The following CELF2 variants were observed in gnomAD, a reference collection of about 807,000 sequenced individuals.
The protein encoded by CELF2 is CUG triplet repeat RNA-binding protein 2.
Under a neutral mutation model 62.6 loss-of-function variants are expected in CELF2, and 8 were observed. The observed-to-expected ratio is 0.13, with a 90% confidence interval of 0.07 to 0.23. The LOEUF (loss-of-function observed/expected upper bound fraction) is 0.23. CELF2 is among the 10% of genes least tolerant of loss of function. The pLI is 1.00. For synonymous variants in CELF2, 258 were observed against 250.0 expected (o/e 1.03, Z -0.30); for missense variants, 333 against 671.0 (o/e 0.50, Z 5.56).
At chr10:10,851,799 C>T (rs2059399309) in intron 1 of CELF2, among the ~76,000 whole-genome samples, 1 of 152,100 alleles carries the variant, frequency 6.6e-6, no homozygotes, top group South Asian at 2.1e-4. Flanking sequence ...AAAAATCGAG[C>T]AGGCATATTA....
rs1455679869 is a variant in CELF2, at chr10:11,314,397, T to A, written c.1096+139T>A. ...AAACTTGGGATGGAGGAGCACATGC[T>A]TTGATAGGCAAAAGCTGTCTACACT... is the stretch of plus-strand genomic sequence containing the variant. On this transcript the variant is annotated intron_variant, in intron 10 of 12. Coordinates refer to ENST00000633077, the MANE Select transcript of CELF2 (RefSeq NM_001326342.2). The surrounding 1 kb of genome is among the most constrained non-coding windows in gnomAD (Gnocchi z 5.3). The A allele has an allele frequency of 1.0e-5, 11 of 1,103,184 alleles. No homozygotes were observed. Among genetic ancestry groups the A allele is most frequent in the Non-Finnish European group, 1.4e-5 (10 of 735,792 alleles). The allele number at this position is 1,103,184 out of a possible 1,614,324, so 68.3% of individuals were successfully genotyped here.
In CELF2 at chr10:11,081,115, T is replaced by C. The variant is rs145612743; in HGVS notation, c.74+62952T>C. On this transcript the variant is annotated intron_variant, in intron 1 of 12. Coordinates refer to ENST00000633077, the MANE Select transcript of CELF2 (RefSeq NM_001326342.2). Reference sequence around the variant, plus strand: ...GGGATAGGGGGCAATTCCAGTCTTATAATAAATTCATTAGTGAAGTGAAGA... The same window carrying C: ...GGGATAGGGGGCAATTCCAGTCTTACAATAAATTCATTAGTGAAGTGAAGA... 2.1e-3 allele frequency among the ~76,000 whole-genome samples: 327 copies of C among 152,372 alleles called. 4 individuals are homozygous for C. The highest frequency in any genetic ancestry group is 7.4e-3 in the African/African-American group (308 of 41,588).
At chr10:11,303,951 G>A (rs1436657320) in intron 9 of CELF2, among the ~76,000 whole-genome samples, 3 of 152,236 alleles carry the variant, frequency 2.0e-5, no homozygotes, top group African/African-American at 7.2e-5. Flanking sequence ...TTTTGGCAAT[G>A]AGCAGCACGT....
chr10:10,830,294 A>G (rs2057742814), intron 1 of CELF2, among the ~76,000 whole-genome samples: 1 of 151,646 alleles, frequency 6.6e-6, no homozygotes, highest in Non-Finnish European at 1.5e-5. Context: ...AAAAAAAAAA[A>G]AAAGCCGACA....
At chr10:10,910,937 C>T (rs1393542288) in intron 1 of CELF2, among the ~76,000 whole-genome samples, 1 of 152,146 alleles carries the variant, frequency 6.6e-6, no homozygotes, top group Non-Finnish European at 1.5e-5. Flanking sequence ...GGAATTGTTA[C>T]TAACAGCCGA....
intron 1 of CELF2, among the ~76,000 whole-genome samples, chr10:11,050,719 G>A (rs914941040): frequency 2.0e-5 from 3 of 152,156 alleles, no homozygotes; most frequent in Non-Finnish European, 4.4e-5. Flanking sequence ...TCTTCTCTCT[G>A]TCACCAATCC....
At chr10:10,860,037 A>G (rs2059964886) in intron 1 of CELF2, among the ~76,000 whole-genome samples, 1 of 152,146 alleles carries the variant, frequency 6.6e-6, no homozygotes, top group Admixed American at 6.5e-5. Flanking sequence ...TAAATCCATT[A>G]CATGTTAAGG....
chr10:10,490,779 T>G, the CELF2 span, among the ~76,000 whole-genome samples: 12 of 152,262 alleles, frequency 7.9e-5, no homozygotes, highest in South Asian at 2.5e-3. Flanking sequence ...TAAACAGCCT[T>G]CTTCCCACAT....
Position 11,296,976 on chromosome 10 carries a change from G to A in CELF2, c.976+8424G>A, listed in dbSNP as rs574402107. ...ATGCCCACCGGGGACCCTGAGAGCC[G>A]GGGCTCAGGAGCTGGGACTTTTCCT... is the stretch of plus-strand genomic sequence containing the variant. On this transcript the variant is annotated intron_variant, in intron 9 of 12. Coordinates refer to ENST00000633077, the MANE Select transcript of CELF2 (RefSeq NM_001326342.2). This position sits in a 1 kb window ranked among gnomAD's most constrained non-coding sequence, Gnocchi z 5.0. Among the ~76,000 whole-genome samples, 11 of 152,310 alleles carry A rather than the reference G, an allele frequency of 7.2e-5. No homozygotes were observed. The East Asian group carries it at 9.6e-4, about 13-fold the overall frequency.
chr10:10,574,366 G>A, the CELF2 span, among the ~76,000 whole-genome samples: 1 of 152,128 alleles, frequency 6.6e-6, no homozygotes, highest in East Asian at 1.9e-4. Flanking sequence ...TGCTAGTGGG[G>A]GCCATGCCGT....
intron 2 of CELF2, among the ~76,000 whole-genome samples, chr10:11,187,915 G>A (rs1047006935): frequency 2.6e-5 from 4 of 152,190 alleles, no homozygotes; most frequent in East Asian, 3.9e-4. Context: ...GTTTATGCTC[G>A]TAGTTAATAC....
At chr10:10,897,243 G>T (rs2062621966) in intron 1 of CELF2, among the ~76,000 whole-genome samples, 1 of 152,118 alleles carries the variant, frequency 6.6e-6, no homozygotes, top group African/African-American at 2.4e-5. Context: ...AGGTGCTTCT[G>T]GTGAGGTCTC....
the CELF2 span, among the ~76,000 whole-genome samples, chr10:10,480,199 A>G: frequency 6.6e-6 from 1 of 152,222 alleles, no homozygotes; most frequent in East Asian, 1.9e-4. Context: ...AATATAAAAC[A>G]GTAAAGAGCG....
chr10:10,636,808 G>C, the CELF2 span, among the ~76,000 whole-genome samples: 1 of 152,136 alleles, frequency 6.6e-6, no homozygotes, highest in Admixed American at 6.5e-5. Context: ...GATTATGAAG[G>C]GGAGGGGTTC....
At position 11,178,057 on chromosome 10, in the gene CELF2, T is replaced by A. The variant is rs2071873088; in HGVS notation, c.271+12375T>A. On this transcript the variant is annotated intron_variant, in intron 2 of 12. Transcript: ENST00000633077. This position sits in a 1 kb window ranked among gnomAD's most constrained non-coding sequence, Gnocchi z 4.3. ...TTCAGGTGTTTGCAAAGAGGTCAGA[T>A]CCCTACACATGAAACGCTGCGGCCA... Among the ~76,000 whole-genome samples the A allele has an allele frequency of 6.6e-6, 1 of 152,132 alleles. No homozygotes were observed. Among genetic ancestry groups the A allele is most frequent in the Non-Finnish European group, 1.5e-5 (1 of 68,012 alleles).
intron 2 of CELF2, among the ~76,000 whole-genome samples, chr10:10,996,037 A>T (rs1324408063): frequency 1.3e-5 from 2 of 152,222 alleles, no homozygotes; most frequent in African/African-American, 4.8e-5. Context: ...ATTTTTTACT[A>T]AAAAAGTTTA....
intron 1 of CELF2, among the ~76,000 whole-genome samples, chr10:11,087,883 A>G (rs1470358684): frequency 6.6e-6 from 1 of 152,226 alleles, no homozygotes; most frequent in Admixed American, 6.5e-5. Flanking sequence ...GGGCCGGTCT[A>G]CTTCCCAGGG....
chr10:10,657,748 G>A, the CELF2 span, among the ~76,000 whole-genome samples: 27 of 152,198 alleles, frequency 1.8e-4, 1 homozygote, highest in South Asian at 2.1e-3. Context: ...CATCCCACAA[G>A]GTTTTCCATT....
intron 1 of CELF2, among the ~76,000 whole-genome samples, chr10:11,044,342 A>G (rs1300010067): frequency 6.6e-6 from 1 of 152,282 alleles, no homozygotes; most frequent in African/African-American, 2.4e-5. Flanking sequence ...AGCACAAAAC[A>G]GGAAGTCAGT....
Sources: allele counts gnomAD v4.1 joint callset (sites outside exome capture counted in the v4.1 genomes callset), GRCh38; gene constraint gnomAD v4.1.1; non-coding constraint Gnocchi (gnomAD v3.1); transcripts MANE v1.5; gene names NCBI Gene and HGNC (gene_info 2026-07-23, HGNC 2026-07-21).